The following DGKA variants were observed in gnomAD, a reference collection of about 807,000 sequenced individuals.
The protein encoded by DGKA is 80 kDa diacylglycerol kinase.
A neutral mutation model predicts 105.0 loss-of-function variants in DGKA; 35 were observed. The ratio of observed to expected loss-of-function variants is 0.33; its 90% confidence interval spans 0.25 to 0.44. The LOEUF is 0.44. Among genes scored for constraint, DGKA ranks in the 20% least tolerant of loss-of-function variants. The probability of loss-of-function intolerance (pLI) is 1.00; values close to 1 mark genes in which losing one functional copy is unlikely to be tolerated. For synonymous variants in DGKA, 296 were observed against 332.0 expected (o/e 0.89, Z 1.18); for missense variants, 665 against 915.0 (o/e 0.73, Z 3.53).
chr12:55,953,645 T>G, intron 23 of DGKA, 40 bp from the exon 24 acceptor site: 1 of 1,590,572 alleles, frequency 6.3e-7, no homozygotes, highest in Non-Finnish European at 8.6e-7. Context: ...AGCCCCAAAG[T>G]ATCAGGTCCT....
Position 55,940,912 on chromosome 12 carries a change from C to A in DGKA, c.1033C>A (p.Arg345Ser), listed in dbSNP as rs757864725. ...CCCCTCCCAGGCCTCTGGACCGGATCGTAAAAATAGCAAAACAAGCCAGAA... is the reference window on the plus strand; with the variant it reads ...CCCCTCCCAGGCCTCTGGACCGGATAGTAAAAATAGCAAAACAAGCCAGAA... ...YPSVLASGPD[R>S]KNSKTSQKTM... Residue 345 changes from arginine (R) to serine (S), a missense_variant, in exon 13 of 24, where the codon CGT becomes AGT. Physicochemically the swap from Arg to Ser is moderately radical, Grantham distance 110. Around this residue, in one of 3 missense-constraint regions of DGKA, gnomAD observed 504 missense variants for 681.2 expected, o/e 0.74. Transcript: ENST00000331886. The surrounding 1 kb of genome is among the most constrained non-coding windows in gnomAD (Gnocchi z 4.3). The A allele has an allele frequency of 1.2e-6, 2 of 1,613,988 alleles. No homozygotes were observed.
At chr12:55,938,401 C>A in intron 5 of DGKA, 110 bp from the exon 6 acceptor site, 1 of 1,400,158 alleles carries the variant, frequency 7.1e-7, no homozygotes, top group African/African-American at 1.4e-5. Context: ...AGGCTCTAGG[C>A]TTCTCACCCA....
chr12:55,928,064 C>A (rs1264314840), upstream of DGKA, among the ~76,000 whole-genome samples: 1 of 152,168 alleles, frequency 6.6e-6, no homozygotes, highest in Non-Finnish European at 1.5e-5. Flanking sequence ...CTGCGCCGTA[C>A]CTCCCTATTC....
chr12:55,939,650 TGTGA>T (rs1174993221), intron 9 of DGKA, 121 bp downstream of exon 9: 6 of 905,758 alleles, frequency 6.6e-6, no homozygotes, highest in Non-Finnish European at 1.0e-5. Context: ...TGACTAGTTA[TGTGA>T]CCTTGGGAAA....
Position 55,940,340 on chromosome 12 carries a change from A to C in DGKA, c.825A>C (p.Gly275=). Residue 275 remains glycine (G), a synonymous_variant, in exon 11 of 24, where the codon GGA becomes GGC. Coordinates refer to ENST00000331886, the MANE Select transcript of DGKA (RefSeq NM_001345.5). This position sits in a 1 kb window ranked among gnomAD's most constrained non-coding sequence, Gnocchi z 4.3. The part of the protein sequence containing the change: ...IGVQSHVWVR[G]GCESGRCDRC... ...TCCAATCACATGTGTGGGTGCGAGG[A>C]GGCTGTGAGTCCGGGCGCTGCGACC... The C allele has an allele frequency of 7.4e-6, 12 of 1,614,154 alleles. No individual in the cohort carries two copies. The highest frequency in any genetic ancestry group is 1.0e-5 in the Non-Finnish European group (12 of 1,180,030).
Position 55,940,509 on chromosome 12 carries a change from C to T in DGKA, c.918+76C>T, listed in dbSNP as rs549723497. The T allele has an allele frequency of 6.3e-7, 1 of 1,590,800 alleles. No individual in the cohort carries two copies. Among genetic ancestry groups the T allele is most frequent in the Non-Finnish European group, 8.6e-7 (1 of 1,168,146 alleles). On this transcript the variant is annotated intron_variant, in intron 11 of 23. Transcript: ENST00000331886. This position sits in a 1 kb window ranked among gnomAD's most constrained non-coding sequence, Gnocchi z 4.3. ...CTTCTCCACGGGCCTCCGGCCACAC[C>T]TCCTTTACAGGCACAGTTGCCCCTG...
intron 9 of DGKA, 126 bp downstream of exon 9, chr12:55,939,655 C>T: frequency 1.2e-6 from 1 of 849,074 alleles, no homozygotes; most frequent in Non-Finnish European, 1.9e-6. Context: ...AGTTATGTGA[C>T]CTTGGGAAAG....
At chr12:55,938,179 G>A in intron 5 of DGKA, 127 bp downstream of exon 5, 1 of 845,386 alleles carries the variant, frequency 1.2e-6, no homozygotes, top group Non-Finnish European at 1.9e-6. Flanking sequence ...TGGGGCCAGA[G>A]AATGAGCCCA....
At chr12:55,949,809 T>G (rs906863047) in intron 17 of DGKA, among the ~76,000 whole-genome samples, 2 of 152,106 alleles carry the variant, frequency 1.3e-5, no homozygotes, top group African/African-American at 4.8e-5. Flanking sequence ...CATTTTTCCT[T>G]TTTTGTTTTT....
intron 23 of DGKA, 124 bp from the exon 24 acceptor site, chr12:55,953,561 C>A: frequency 7.6e-7 from 1 of 1,321,428 alleles, no homozygotes; most frequent in Non-Finnish European, 1.1e-6. Flanking sequence ...CCTGGTTTCC[C>A]TATCGTGGCC....
At chr12:55,927,758 C>T (rs1464584914), upstream of DGKA, 4 of 1,539,278 alleles carry the variant, frequency 2.6e-6, no homozygotes, top group Non-Finnish European at 8.7e-7. Context: ...CCGGCAGCTT[C>T]CATGGCCGAA....
At chr12:55,927,821 G>A (rs1456535832), upstream of DGKA, 31 of 1,517,902 alleles carry the variant, frequency 2.0e-5, no homozygotes, top group East Asian at 3.0e-4. Flanking sequence ...TGCCCCGCTG[G>A]GCGGCGCCGG....
chr12:55,946,987 T>TC (rs201562802), intron 17 of DGKA, among the ~76,000 whole-genome samples: 3,311 of 147,656 alleles, frequency 0.022, 61 homozygotes, highest in Admixed American at 0.037. Flanking sequence ...TTTCTTTCTT[T>TC]TTTTTTTTTT....
Position 55,931,352 on chromosome 12 carries a change from GGGA to G in DGKA, c.-82+12_-82+14del, listed in dbSNP as rs1346878167. On this transcript the variant is annotated intron_variant, in intron 1 of 23. Coordinates refer to ENST00000331886, the MANE Select transcript of DGKA (RefSeq NM_001345.5). Reference sequence around the variant, plus strand: ...ACCTGCCAAGACCAGCAGGTAAAGTGGGAGGATGAGGGCGTGGAGAAAGGGTGG... The same window carrying G: ...ACCTGCCAAGACCAGCAGGTAAAGTGGGATGAGGGCGTGGAGAAAGGGTGG... 6.6e-6 allele frequency: 1 copy of G among 152,296 alleles called. No individual in the cohort carries two copies. Among genetic ancestry groups the G allele is most frequent in the Non-Finnish European group, 1.5e-5 (1 of 68,088 alleles). The allele number at this position is 152,296 out of a possible 1,614,324, so 9.4% of individuals were successfully genotyped here. A position where few individuals can be genotyped will look rare whatever the true frequency, so the allele number is the denominator to read the frequency against.
chr12:55,951,726 A>G lies in DGKA; in HGVS notation c.1530A>G (p.Glu510=). The part of the protein sequence containing the change: ...WSVEVIPQQT[E]EKSDPVPFQI... Reference sequence around the variant, plus strand: ...TGGAGGTGATACCTCAACAAACTGAAGAAAAAAGTGACCCAGTCCCCTTTC... The same window carrying G: ...TGGAGGTGATACCTCAACAAACTGAGGAAAAAAGTGACCCAGTCCCCTTTC... Residue 510 remains glutamate (E), a synonymous_variant, in exon 18 of 24, where the codon GAA becomes GAG. Coordinates refer to ENST00000331886, the MANE Select transcript of DGKA (RefSeq NM_001345.5). 3.7e-6 allele frequency: 6 copies of G among 1,614,070 alleles called. No homozygotes were observed. Among genetic ancestry groups the G allele is most frequent in the Non-Finnish European group, 5.1e-6 (6 of 1,180,012 alleles).
intron 1 of DGKA, chr12:55,936,177 G>T: frequency 1.8e-6 from 1 of 548,102 alleles, no homozygotes; most frequent in Non-Finnish European, 2.7e-6. Context: ...GGGGGAGAGG[G>T]AGAAGGATCC....
At chr12:55,936,752 A>G (rs1884807348) in intron 2 of DGKA, 185 bp downstream of exon 2, 1 of 949,520 alleles carries the variant, frequency 1.1e-6, no homozygotes, top group Non-Finnish European at 1.7e-6. Context: ...ATCCGGATCT[A>G]CCACAGTCTA....
intron 17 of DGKA, 21 bp downstream of exon 17, chr12:55,942,284 T>C (rs1452445453): frequency 1.9e-6 from 3 of 1,612,106 alleles, no homozygotes; most frequent in Non-Finnish European, 2.5e-6. Flanking sequence ...AGAAATTGTT[T>C]TGCTGTAGGC....
chr12:55,939,862 A>C (rs1229439920), intron 9 of DGKA: 4 of 595,986 alleles, frequency 6.7e-6, no homozygotes, highest in Non-Finnish European at 1.2e-5. Flanking sequence ...CCTGCCTGGC[A>C]CATGGATGGT....
Sources: gnomAD v4.1 joint callset for allele counts (sites outside exome capture counted in the v4.1 genomes callset) on GRCh38, gnomAD v4.1.1 for gene constraint, gnomAD v4.1.1 regional missense constraint, Gnocchi (gnomAD v3.1) non-coding constraint, MANE v1.5 for transcripts, NCBI Gene and HGNC (gene_info 2026-07-23, HGNC 2026-07-21) for gene names.